The following PLP1 variants were observed in gnomAD, a reference collection of about 807,000 sequenced individuals.
PLP1 encodes myelin proteolipid protein.
PLP1 carries 2 observed loss-of-function variants against 18.5 expected under a neutral mutation model. The observed-to-expected ratio is 0.11, with a 90% CI of 0.04 to 0.34. The LOEUF (loss-of-function observed/expected upper bound fraction) is 0.34. Ranked by LOEUF, PLP1 falls within the 10% of genes least tolerant of loss-of-function variation. The pLI is 1.00. For synonymous variants in PLP1, 86 were observed against 83.2 expected, an observed-to-expected ratio of 1.03 and a Z score of -0.19; for missense variants, 105 against 207.3, an observed-to-expected ratio of 0.51 and a Z score of 3.03.
chrX:103,777,790 G>A (rs1000561231), intron 1 of PLP1, among the ~76,000 whole-genome samples: 1 of 112,601 alleles, frequency 8.9e-6, no homozygotes, highest in Non-Finnish European at 1.9e-5. Flanking sequence ...TCTACTCAGA[G>A]TAATGTGTGC....
chrX:103,786,004 C>A (rs2074493116), intron 2 of PLP1: 3 of 422,087 alleles, frequency 7.1e-6, no homozygotes, highest in Non-Finnish European at 7.9e-6. Flanking sequence ...TGTTTTCTTA[C>A]ACGTGTTCTG....
At chrX:103,780,161 G>T (rs909063974) in intron 1 of PLP1, 2 of 112,898 alleles carry the variant, frequency 1.8e-5, no homozygotes, top group African/African-American at 6.4e-5. Flanking sequence ...TGTCTGCCAG[G>T]CAGGGCTCTA....
At chrX:103,788,764 G>A in intron 5 of PLP1, 1 of 391,392 alleles carries the variant, frequency 2.6e-6, no homozygotes, top group Non-Finnish European at 4.5e-6. Flanking sequence ...TGTAGCTTTA[G>A]GTAAAGATAG....
chrX:103,778,088 C>T (rs759745724), intron 1 of PLP1, among the ~76,000 whole-genome samples: 3 of 111,646 alleles, frequency 2.7e-5, no homozygotes, highest in South Asian at 3.8e-4. Context: ...GACAGGGAGT[C>T]GGAAAAATCA....
At chrX:103,788,091 C>A in intron 4 of PLP1, 125 bp downstream of exon 4, 1 of 586,856 alleles carries the variant, frequency 1.7e-6, no homozygotes, top group South Asian at 2.4e-5. Context: ...ATGATTGGGT[C>A]TTAGTTTATT....
At chrX:103,786,395 A>G (rs1338571561) in intron 2 of PLP1, 70 bp from the exon 3 acceptor site, 1 of 1,123,374 alleles carries the variant, frequency 8.9e-7, no homozygotes, top group African/African-American at 1.8e-5. Context: ...TACCTCACTT[A>G]TGTCGGGAAA....
rs1186741421 is a variant in PLP1 at position 103,785,697 on chromosome X, C to G, written c.120C>G (p.Leu40=). The G allele has an allele frequency of 8.3e-7, 1 of 1,207,969 alleles. No individual in the cohort carries two copies. The stretch of plus-strand genomic sequence containing the variant: ...TCTGTGGCTGTGGACATGAAGCCCT[C>G]ACTGGCACAGAAAAGCTAATTGAGA... The part of the protein sequence containing the change: ...ALFCGCGHEA[L]TGTEKLIETY... The change falls in exon 2 of 7, where the codon CTC becomes CTG. Residue 40 remains leucine (L), a synonymous_variant. Transcript: ENST00000621218.
At chrX:103,786,106 T>G in intron 2 of PLP1, 1 of 1,084,013 alleles carries the variant, frequency 9.2e-7, no homozygotes, top group South Asian at 2.0e-5. Context: ...CCTCTCCTGT[T>G]CCTAGAACAA....
intron 2 of PLP1, chrX:103,786,026 G>C (rs1350296216): frequency 1.0e-6 from 1 of 969,587 alleles, no homozygotes; most frequent in Admixed American, 3.8e-5. Flanking sequence ...CTTCTGCTAG[G>C]TGTGGTTCAT....
chrX:103,785,812 C>A, intron 2 of PLP1, 44 bp downstream of exon 2: 1 of 1,082,759 alleles, frequency 9.2e-7, no homozygotes, highest in Non-Finnish European at 1.3e-6. Flanking sequence ...TTTTTTCCCT[C>A]TCTCCATCCT....
In PLP1 at chrX:103,786,652, A is replaced by G; in HGVS notation, c.379A>G (p.Arg127Gly). 8.3e-7 allele frequency: 1 copy of G among 1,211,231 alleles called. No individual in the cohort carries two copies. Among genetic ancestry groups the G allele is most frequent in the Non-Finnish European group, 1.1e-6 (1 of 894,877 alleles). ...AGGGGGCCAGAAGGGGAGGGGTTCC[A>G]GAGGCCAACATCAAGCTCATTCTTT... ...VTGGQKGRGS[R>G]GQHQAHSLER... The change falls in exon 3 of 7, where the codon AGA becomes GGA. Residue 127 changes from arginine to glycine, a missense_variant. Coordinates refer to ENST00000621218, the MANE Select transcript of PLP1 (RefSeq NM_000533.5).
intron 5 of PLP1, chrX:103,788,754 T>A: frequency 2.5e-6 from 1 of 405,991 alleles, no homozygotes; most frequent in Non-Finnish European, 4.3e-6. Flanking sequence ...AAGAGAAGTT[T>A]GTAGCTTTAG....
intron 1 of PLP1, among the ~76,000 whole-genome samples, chrX:103,778,957 A>G (rs895801973): frequency 2.7e-5 from 3 of 111,925 alleles, no homozygotes; most frequent in Non-Finnish European, 5.6e-5. Flanking sequence ...AACCAATTAA[A>G]TGTTCGTACA....
intron 3 of PLP1, 156 bp from the exon 4 acceptor site, chrX:103,787,642 C>T (rs1033611431): frequency 7.6e-6 from 4 of 524,464 alleles, no homozygotes; most frequent in Non-Finnish European, 1.4e-5. Context: ...GCCAATTACC[C>T]TTGGCAGAGG....
chrX:103,778,081 A>G (rs2074424899), intron 1 of PLP1, among the ~76,000 whole-genome samples: 1 of 111,972 alleles, frequency 8.9e-6, no homozygotes, highest in Non-Finnish European at 1.9e-5. Context: ...AGCACTGGAC[A>G]GGGAGTCGGA....
intron 5 of PLP1, 32 bp downstream of exon 5, chrX:103,788,542 G>A (rs763083823): frequency 1.9e-6 from 2 of 1,028,245 alleles, no homozygotes; most frequent in Non-Finnish European, 2.7e-6. Context: ...TTTTACAAGG[G>A]AGTAGCTAAT....
chrX:103,790,738 T>A lies in PLP1; in HGVS notation c.*140T>A. Reference sequence around the variant, plus strand: ...TGATGAGTGTAACAAGAAAGGAGAGTCTTGCAGTGATTAAGGTCTCTCTTT... The same window carrying A: ...TGATGAGTGTAACAAGAAAGGAGAGACTTGCAGTGATTAAGGTCTCTCTTT... On this transcript the variant is annotated 3_prime_UTR_variant, in exon 7 of 7. Coordinates refer to ENST00000621218, the MANE Select transcript of PLP1 (RefSeq NM_000533.5). 1 of 545,125 alleles carries A rather than the reference T, an allele frequency of 1.8e-6. No homozygotes were observed. Among genetic ancestry groups the A allele is most frequent in the South Asian group, 2.4e-5 (1 of 41,522 alleles). The allele number at this position is 545,125 out of a possible 1,213,427, so 44.9% of individuals were successfully genotyped here.
intron 1 of PLP1, among the ~76,000 whole-genome samples, chrX:103,784,704 C>T (rs764363064): frequency 6.1e-4 from 69 of 112,347 alleles, no homozygotes; most frequent in Non-Finnish European, 1.1e-3. Context: ...GCACTCATCC[C>T]TTCCTGGAAC....
At chrX:103,776,700 A>G (rs749604901), upstream of PLP1, 49 of 312,235 alleles carry the variant, frequency 1.6e-4, no homozygotes, top group Non-Finnish European at 2.2e-4. Flanking sequence ...ATTGGCAGTG[A>G]AAGGCAGAAA....
Sources: allele counts gnomAD v4.1 joint callset (sites outside exome capture counted in the v4.1 genomes callset), GRCh38; gene constraint gnomAD v4.1.1; transcripts MANE v1.5; gene names NCBI Gene and HGNC (gene_info 2026-07-23, HGNC 2026-07-21).